Variants in STON2 observed in about 807,000 individuals in gnomAD.
The protein encoded by STON2 is stonin-2.
In STON2, 29 loss-of-function variants were observed where a neutral mutation model predicts 65.7. The ratio of observed to expected loss-of-function variants is 0.44; its 90% CI spans 0.33 to 0.60. The LOEUF (loss-of-function observed/expected upper bound fraction) is 0.60, where lower values mean the gene tolerates loss of function less well. STON2 is among the 20% of genes least tolerant of loss of function. The pLI is 0.03. For synonymous variants in STON2, 404 were observed against 414.2 expected, an observed-to-expected ratio of 0.98 and a Z score of 0.30; for missense variants, 1,054 against 1,118.1, an observed-to-expected ratio of 0.94 and a Z score of 0.82.
At position 81,267,170 on chromosome 14, in the gene STON2, T is replaced by C. The variant is rs1894388751; in HGVS notation, c.*1244A>G. 2.0e-6 allele frequency: 2 copies of C among 985,162 alleles called. No individual in the cohort carries two copies. Among genetic ancestry groups the C allele is most frequent in the South Asian group, 4.7e-5 (1 of 21,284 alleles). The allele number at this position is 985,162 out of a possible 1,614,324, so 61.0% of individuals were successfully genotyped here. Reference sequence around the variant, plus strand: ...CTAAGATACAAATAAGAAGCAGAGGTGAGTAGGAACGGATGAAGGAAAAGA... The same window carrying C: ...CTAAGATACAAATAAGAAGCAGAGGCGAGTAGGAACGGATGAAGGAAAAGA... On this transcript the variant is annotated 3_prime_UTR_variant, in exon 8 of 8. Transcript: ENST00000614646.
chr14:81,285,069 G>A (rs1895282428), intron 5 of STON2, among the ~76,000 whole-genome samples: 1 of 152,208 alleles, frequency 6.6e-6, no homozygotes, highest in African/African-American at 2.4e-5. Context: ...TGATAGAGAT[G>A]TACAAGGAGA....
At chr14:81,312,256 T>G (rs997205291) in intron 5 of STON2, among the ~76,000 whole-genome samples, 2 of 152,194 alleles carry the variant, frequency 1.3e-5, no homozygotes, top group Non-Finnish European at 2.9e-5. Flanking sequence ...ACACCCACTG[T>G]GTCTGTGGGT....
At chr14:81,418,733 T>C (rs958003971) in intron 2 of STON2, among the ~76,000 whole-genome samples, 1 of 152,230 alleles carries the variant, frequency 6.6e-6, no homozygotes, top group African/African-American at 2.4e-5. Flanking sequence ...AGCACAACTG[T>C]AAAACCTCTC....
chr14:81,375,005 C>T (rs940890610), intron 3 of STON2, among the ~76,000 whole-genome samples: 5 of 152,114 alleles, frequency 3.3e-5, no homozygotes, highest in Admixed American at 6.5e-5. Context: ...TACCTTCAAA[C>T]GAAGAATGTT....
At chr14:81,367,506 C>T (rs1427970413) in intron 4 of STON2, among the ~76,000 whole-genome samples, 1 of 152,148 alleles carries the variant, frequency 6.6e-6, no homozygotes, top group Non-Finnish European at 1.5e-5. Flanking sequence ...TTCCCTGCTA[C>T]TGGAGTAAAT....
At chr14:81,390,641 C>T (rs557375513) in intron 3 of STON2, among the ~76,000 whole-genome samples, 9 of 152,284 alleles carry the variant, frequency 5.9e-5, no homozygotes, top group African/African-American at 2.2e-4. Flanking sequence ...ACAGATGCTC[C>T]CCTAATTCAG....
chr14:81,298,420 G>GT (rs939632896), intron 5 of STON2, among the ~76,000 whole-genome samples: 1 of 61,018 alleles, frequency 1.6e-5, no homozygotes, highest in African/African-American at 4.8e-5. Context: ...CAGATGGGGG[G>GT]GGGGAATCAC....
rs150575854 is a variant in STON2 at position 81,386,356 on chromosome 14, T to C, written c.373+9538A>G. Reference sequence around the variant, plus strand: ...CCCCACCCACCACTCACTACCCCCATTAGCCAGAATGAACAACATAATAGA... The same window carrying C: ...CCCCACCCACCACTCACTACCCCCACTAGCCAGAATGAACAACATAATAGA... On this transcript the variant is annotated intron_variant, in intron 3 of 7. Transcript: ENST00000614646. Among the ~76,000 whole-genome samples the C allele has an allele frequency of 4.1e-3, 620 of 151,124 alleles. 3 individuals are homozygous for C. Among genetic ancestry groups the C allele is most frequent in the African/African-American group, 0.014 (596 of 41,330 alleles).
At chr14:81,392,541 G>A (rs1267446317) in intron 3 of STON2, among the ~76,000 whole-genome samples, 2 of 152,114 alleles carry the variant, frequency 1.3e-5, no homozygotes, top group Non-Finnish European at 2.9e-5. Flanking sequence ...GTCCAGGTGG[G>A]CCAAGTGTAG....
At chr14:81,283,076 A>T (rs1359667390) in intron 5 of STON2, among the ~76,000 whole-genome samples, 1 of 152,186 alleles carries the variant, frequency 6.6e-6, no homozygotes, top group Admixed American at 6.5e-5. Flanking sequence ...GCCAAACAAA[A>T]GCCATGTGTA....
intron 5 of STON2, among the ~76,000 whole-genome samples, chr14:81,305,121 T>C (rs1217177067): frequency 6.6e-6 from 1 of 152,276 alleles, no homozygotes; most frequent in Non-Finnish European, 1.5e-5. Context: ...TGTGTTAGTT[T>C]GCATTTCTGC....
intron 4 of STON2, among the ~76,000 whole-genome samples, chr14:81,331,189 T>A (rs1012357295): frequency 4.6e-5 from 7 of 152,364 alleles, no homozygotes; most frequent in Non-Finnish European, 7.3e-5. Flanking sequence ...AAAACCAGCC[T>A]TTCTCAGTGA....
chr14:81,343,819 G>T (rs890433171), intron 4 of STON2, among the ~76,000 whole-genome samples: 1 of 151,876 alleles, frequency 6.6e-6, no homozygotes, highest in Non-Finnish European at 1.5e-5. Flanking sequence ...GCTCAGTATT[G>T]TCATCATTAT....
intron 2 of STON2, among the ~76,000 whole-genome samples, chr14:81,420,986 A>G (rs1901677096): frequency 6.6e-6 from 1 of 152,154 alleles, no homozygotes; most frequent in Non-Finnish European, 1.5e-5. Flanking sequence ...TGGGATCTGG[A>G]CATGAATAAG....
At chr14:81,399,781 C>T (rs1437778627) in intron 1 of STON2, among the ~76,000 whole-genome samples, 2 of 152,110 alleles carry the variant, frequency 1.3e-5, no homozygotes, top group Non-Finnish European at 1.5e-5. Context: ...AGTGACTTAC[C>T]TAATACTTTT....
At chr14:81,428,175 T>TA (rs1902076235) in intron 1 of STON2, among the ~76,000 whole-genome samples, 3 of 152,304 alleles carry the variant, frequency 2.0e-5, no homozygotes, top group African/African-American at 7.2e-5. Flanking sequence ...TCAGCAATGA[T>TA]AAAAGTTTTC....
chr14:81,331,615 G>T (rs1230260104), intron 4 of STON2, among the ~76,000 whole-genome samples: 1 of 152,198 alleles, frequency 6.6e-6, no homozygotes, highest in African/African-American at 2.4e-5. Context: ...TTTCACTGCA[G>T]ACCCTCAGAT....
chr14:81,263,058 T>C lies in STON2; in HGVS notation c.*5356A>G, dbSNP rs1894213241. On this transcript the variant is annotated 3_prime_UTR_variant, in exon 8 of 8. Coordinates refer to ENST00000614646, the MANE Select transcript of STON2 (RefSeq NM_001394390.1). The stretch of plus-strand genomic sequence containing the variant: ...TCGTCATGGTTTGAATGGGACTTAG[T>C]AGTAAAGTGTGTGAGACAGTGCATT... 3 of 985,270 alleles carry C rather than the reference T, an allele frequency of 3.0e-6. No individual in the cohort carries two copies. The highest frequency in any genetic ancestry group is 4.7e-5 in the South Asian group (1 of 21,296). 61.0% of individuals were successfully genotyped at this position (985,270 alleles called of 1,614,324 possible). A position where few individuals can be genotyped will look rare whatever the true frequency, so the allele number is the denominator to read the frequency against.
At chr14:81,354,378 T>TCTA (rs1295684552) in intron 4 of STON2, among the ~76,000 whole-genome samples, 2 of 152,140 alleles carry the variant, frequency 1.3e-5, no homozygotes, top group Non-Finnish European at 2.9e-5. Flanking sequence ...AAGGCCTACC[T>TCTA]CTACAAAAGA....
Sources: gnomAD v4.1 joint callset for allele counts (sites outside exome capture counted in the v4.1 genomes callset) on GRCh38, gnomAD v4.1.1 for gene constraint, MANE v1.5 for transcripts, NCBI Gene and HGNC (gene_info 2026-07-23, HGNC 2026-07-21) for gene names.